Variants in NXPH1 observed in about 807,000 individuals in gnomAD.
NXPH1 encodes neurexophilin 1.
A neutral mutation model predicts 23.7 loss-of-function variants in NXPH1; 5 were observed. The ratio of observed to expected loss-of-function variants is 0.21; its 90% CI spans 0.11 to 0.44. The LOEUF (loss-of-function observed/expected upper bound fraction) is 0.44. Ranked by LOEUF, NXPH1 falls within the 20% of genes least tolerant of loss-of-function variation. NXPH1 has a pLI of 0.99. For synonymous variants in NXPH1, 144 were observed against 122.2 expected (o/e 1.18, Z -1.18); for missense variants, 324 against 321.6 (o/e 1.01, Z -0.06).
In NXPH1 at chr7:8,723,623, A is replaced by G. The variant is rs1040949860; in HGVS notation, c.55-27385A>G. 2.0e-5 allele frequency among the ~76,000 whole-genome samples: 3 copies of G among 152,174 alleles called. 1 individual carries two copies. Among genetic ancestry groups the G allele is most frequent in the African/African-American group, 7.2e-5 (3 of 41,450 alleles). ...TCTTCTTGTGCCACTGTGCATGATT[A>G]CAGAATTACACAAAACCTCCACAAA... On this transcript the variant is annotated intron_variant, in intron 2 of 2. Coordinates refer to ENST00000405863, the MANE Select transcript of NXPH1 (RefSeq NM_152745.3).
intron 2 of NXPH1, among the ~76,000 whole-genome samples, chr7:8,730,651 G>C (rs909250369): frequency 2.2e-4 from 34 of 152,252 alleles, no homozygotes; most frequent in African/African-American, 7.2e-4. Context: ...TTTTCTTTAA[G>C]AATGTTGAAT....
chr7:8,436,016 A>C (rs1173919495), intron 2 of NXPH1, among the ~76,000 whole-genome samples: 1 of 152,084 alleles, frequency 6.6e-6, no homozygotes, highest in Non-Finnish European at 1.5e-5. Context: ...CGCCCCAGAC[A>C]CCCTAAACCC....
At chr7:8,620,452 A>C (rs557337514) in intron 2 of NXPH1, among the ~76,000 whole-genome samples, 1 of 152,072 alleles carries the variant, frequency 6.6e-6, no homozygotes, top group Non-Finnish European at 1.5e-5. Flanking sequence ...GTTCAAGGGG[A>C]ATTATGGAAT....
At chr7:8,665,627 A>G (rs553898761) in intron 2 of NXPH1, among the ~76,000 whole-genome samples, 5 of 152,114 alleles carry the variant, frequency 3.3e-5, no homozygotes, top group South Asian at 2.1e-4. Context: ...CATTTTAACA[A>G]TATTATTTCT....
chr7:8,642,304 A>T (rs1256351852), intron 2 of NXPH1, among the ~76,000 whole-genome samples: 1 of 152,226 alleles, frequency 6.6e-6, no homozygotes, highest in African/African-American at 2.4e-5. Flanking sequence ...CTGTTGTCTT[A>T]CAGATTCCAA....
intron 2 of NXPH1, among the ~76,000 whole-genome samples, chr7:8,580,215 G>A (rs139035088): frequency 1.5e-4 from 23 of 152,222 alleles, no homozygotes; most frequent in African/African-American, 3.9e-4. Context: ...TTTATATGCC[G>A]AATCAAGAAT....
chr7:8,464,879 G>T (rs1816755113), intron 2 of NXPH1, among the ~76,000 whole-genome samples: 1 of 152,182 alleles, frequency 6.6e-6, no homozygotes, highest in African/African-American at 2.4e-5. Flanking sequence ...GGATTCATAT[G>T]CCCATGTTCT....
intron 2 of NXPH1, among the ~76,000 whole-genome samples, chr7:8,596,041 A>C (rs924477405): frequency 3.2e-4 from 49 of 152,244 alleles, no homozygotes; most frequent in African/African-American, 1.2e-3. Flanking sequence ...TATGATGTAC[A>C]TGTCACAGAA....
chr7:8,636,828 C>T (rs60899002), intron 2 of NXPH1, among the ~76,000 whole-genome samples: 7,885 of 152,250 alleles, frequency 0.052, 420 homozygotes, highest in East Asian at 0.17. Flanking sequence ...GGGATTCTTA[C>T]TTCCAAATGA....
At chr7:8,683,112 G>A (rs1462616859) in intron 2 of NXPH1, among the ~76,000 whole-genome samples, 1 of 152,162 alleles carries the variant, frequency 6.6e-6, no homozygotes, top group East Asian at 1.9e-4. Flanking sequence ...CTTCTGGTGA[G>A]GCCTCAAGAA....
intron 2 of NXPH1, among the ~76,000 whole-genome samples, chr7:8,617,970 T>C (rs991830006): frequency 1.3e-5 from 2 of 152,152 alleles, no homozygotes; most frequent in South Asian, 4.1e-4. Context: ...AGTGGGTACA[T>C]CTCATGTAAC....
chr7:8,477,849 C>T (rs2128609385), intron 2 of NXPH1, among the ~76,000 whole-genome samples: 1 of 152,204 alleles, frequency 6.6e-6, no homozygotes, highest in Admixed American at 6.5e-5. Context: ...GATTGAGAAC[C>T]ACGTAAGCTG....
At chr7:8,460,868 C>T (rs1816682671) in intron 2 of NXPH1, among the ~76,000 whole-genome samples, 1 of 152,212 alleles carries the variant, frequency 6.6e-6, no homozygotes, top group Non-Finnish European at 1.5e-5. Context: ...GAGTGATCAT[C>T]TCCTAAGACT....
intron 2 of NXPH1, among the ~76,000 whole-genome samples, chr7:8,437,259 A>C (rs1208045669): frequency 6.6e-6 from 1 of 151,892 alleles, no homozygotes. Context: ...ATCTTCAATC[A>C]TTTTCACCCC....
At chr7:8,623,812 C>T (rs577814722) in intron 2 of NXPH1, among the ~76,000 whole-genome samples, 25 of 151,380 alleles carry the variant, frequency 1.7e-4, no homozygotes, top group African/African-American at 5.1e-4. Context: ...ACATGTAAAC[C>T]TTTTCTATGG....
At chr7:8,457,366 A>G (rs1199201695) in intron 2 of NXPH1, among the ~76,000 whole-genome samples, 1 of 152,186 alleles carries the variant, frequency 6.6e-6, no homozygotes, top group Non-Finnish European at 1.5e-5. Flanking sequence ...TGGCTGGGTC[A>G]GGATTGGTAC....
chr7:8,593,637 G>A (rs1284459726), intron 2 of NXPH1, among the ~76,000 whole-genome samples: 2 of 152,134 alleles, frequency 1.3e-5, no homozygotes, highest in East Asian at 3.9e-4. Flanking sequence ...AAAGCTTGAA[G>A]AAATTCATTA....
chr7:8,652,519 T>C (rs377260088), intron 2 of NXPH1, among the ~76,000 whole-genome samples: 2 of 152,324 alleles, frequency 1.3e-5, no homozygotes, highest in Admixed American at 6.5e-5. Flanking sequence ...TTTTAACTAA[T>C]CCTCAATTAC....
chr7:8,618,029 A>T (rs552901221), intron 2 of NXPH1, among the ~76,000 whole-genome samples: 4 of 152,230 alleles, frequency 2.6e-5, no homozygotes, highest in Non-Finnish European at 2.9e-5. Flanking sequence ...AAAATTTTTT[A>T]AAAGTAAATT....
Sources: allele counts gnomAD v4.1 joint callset (sites outside exome capture counted in the v4.1 genomes callset), GRCh38; gene constraint gnomAD v4.1.1; transcripts MANE v1.5; gene names NCBI Gene and HGNC (gene_info 2026-07-23, HGNC 2026-07-21).